The following HEG1 variants were observed in gnomAD, a reference collection of about 807,000 sequenced individuals.
HEG1 encodes heart development protein with EGF like domains 1, also known as protein HEG homolog 1.
Under a neutral mutation model 125.6 loss-of-function variants are expected in HEG1, and 56 were observed. That is an observed-to-expected ratio of 0.45 (90% confidence interval 0.36 to 0.56). The LOEUF is 0.56. Among genes scored for constraint, HEG1 ranks in the 20% least tolerant of loss-of-function variants. The probability of loss-of-function intolerance (pLI) is 0.00; values close to 1 mark genes in which losing one functional copy is unlikely to be tolerated. For synonymous variants in HEG1, 644 were observed against 668.5 expected (o/e 0.96, Z 0.57); for missense variants, 1,523 against 1,670.0 (o/e 0.91, Z 1.53).
chr3:124,966,999 T>A lies in HEG1; in HGVS notation c.*3653A>T, dbSNP rs1936326501. On this transcript the variant is annotated 3_prime_UTR_variant, in exon 17 of 17. Transcript: ENST00000311127. ...GCTGCCTTCTCCCTTGGGCCCACTT[T>A]AAGAGTTACCTCTTTAAGAACTCAA... is the stretch of plus-strand genomic sequence containing the variant. The A allele has an allele frequency of 6.6e-6, 1 of 152,240 alleles. No individual in the cohort carries two copies. The highest frequency in any genetic ancestry group is 2.1e-4 in the South Asian group (1 of 4,824). The allele number at this position is 152,240 out of a possible 1,614,324, so 9.4% of individuals were successfully genotyped here.
At chr3:125,008,684 G>A (rs1372944076) in intron 8 of HEG1, among the ~76,000 whole-genome samples, 3 of 152,180 alleles carry the variant, frequency 2.0e-5, no homozygotes, top group Non-Finnish European at 2.9e-5. Context: ...TGTAATCCCA[G>A]CTATTTGGAG....
intron 3 of HEG1, among the ~76,000 whole-genome samples, chr3:125,024,667 T>G (rs1485889322): frequency 6.6e-6 from 1 of 152,240 alleles, no homozygotes; most frequent in Admixed American, 6.5e-5. Context: ...GCATACAATT[T>G]GGTTTTGGAA....
intron 1 of HEG1, among the ~76,000 whole-genome samples, chr3:125,042,366 T>C (rs1937600090): frequency 6.6e-6 from 1 of 152,070 alleles, no homozygotes; most frequent in Non-Finnish European, 1.5e-5. Flanking sequence ...AGGCGGAGGT[T>C]TCAGTGAGCC....
chr3:124,970,585 G>T lies in HEG1; in HGVS notation c.*67C>A. The T allele has an allele frequency of 7.0e-7, 1 of 1,431,780 alleles. No homozygotes were observed. The highest frequency in any genetic ancestry group is 9.6e-7 in the Non-Finnish European group (1 of 1,046,648). 88.7% of individuals were successfully genotyped at this position (1,431,780 alleles called of 1,614,324 possible). A position where few individuals can be genotyped will look rare whatever the true frequency, so the allele number is the denominator to read the frequency against. On this transcript the variant is annotated 3_prime_UTR_variant, in exon 17 of 17. Transcript: ENST00000311127. ...GACAAATCCTGGGCGCAGCCTCCTGGTGCGGTCCTCTGAGCAGAGGTCCCA... is the reference window on the plus strand; with the variant it reads ...GACAAATCCTGGGCGCAGCCTCCTGTTGCGGTCCTCTGAGCAGAGGTCCCA...
chr3:124,985,016 A>T (rs1414091071), intron 14 of HEG1, among the ~76,000 whole-genome samples: 1 of 152,246 alleles, frequency 6.6e-6, no homozygotes, highest in Non-Finnish European at 1.5e-5. Context: ...CAGTATGTTC[A>T]GTGAGATCCA....
intron 6 of HEG1, among the ~76,000 whole-genome samples, chr3:125,011,971 G>A (rs559763321): frequency 2.6e-4 from 40 of 152,342 alleles, no homozygotes; most frequent in Admixed American, 7.2e-4. Context: ...AACCCTAAGT[G>A]TGATGTAAAG....
chr3:125,036,070 C>A (rs1302773111), intron 1 of HEG1, among the ~76,000 whole-genome samples: 2 of 151,640 alleles, frequency 1.3e-5, no homozygotes, highest in Non-Finnish European at 2.9e-5. Flanking sequence ...ATTAACCAGG[C>A]ATGGTGGCAC....
intron 14 of HEG1, among the ~76,000 whole-genome samples, chr3:124,989,971 A>G (rs1371585259): frequency 6.6e-6 from 1 of 152,054 alleles, no homozygotes; most frequent in Non-Finnish European, 1.5e-5. Context: ...CGATCTTCCT[A>G]TCTTCCAGCC....
At chr3:124,971,151 G>A (rs1301236423) in intron 16 of HEG1, 4 of 474,956 alleles carry the variant, frequency 8.4e-6, no homozygotes, top group East Asian at 6.4e-5. Flanking sequence ...AAGGCTCCCT[G>A]GGAATAAGAG....
chr3:125,040,970 G>A (rs557894689), intron 1 of HEG1, among the ~76,000 whole-genome samples: 1 of 152,284 alleles, frequency 6.6e-6, no homozygotes, highest in East Asian at 1.9e-4. Context: ...AGGCAGGAGG[G>A]TAATTCTTGC....
intron 14 of HEG1, among the ~76,000 whole-genome samples, chr3:124,980,106 C>T (rs899210537): frequency 1.3e-5 from 2 of 152,148 alleles, no homozygotes; most frequent in Non-Finnish European, 2.9e-5. Context: ...AGACAGAAAA[C>T]AAACCTCTTG....
chr3:124,982,318 G>A (rs1262083148), intron 14 of HEG1, among the ~76,000 whole-genome samples: 1 of 152,204 alleles, frequency 6.6e-6, no homozygotes, highest in East Asian at 1.9e-4. Context: ...TTGGGGTTAA[G>A]TACTGATTTT....
At chr3:125,030,695 T>C (rs750067630) in intron 1 of HEG1, among the ~76,000 whole-genome samples, 22 of 152,232 alleles carry the variant, frequency 1.4e-4, no homozygotes, top group East Asian at 5.8e-4. Context: ...CATTCAAGCA[T>C]TGCACAAAGA....
At chr3:124,980,219 G>C (rs1019520126) in intron 14 of HEG1, among the ~76,000 whole-genome samples, 11 of 152,172 alleles carry the variant, frequency 7.2e-5, no homozygotes, top group Non-Finnish European at 5.9e-5. Flanking sequence ...CCTGTGCCCA[G>C]TCTTGTCCAC....
intron 14 of HEG1, among the ~76,000 whole-genome samples, chr3:124,987,616 C>G (rs1298378763): frequency 7.4e-6 from 1 of 134,458 alleles, no homozygotes; most frequent in Admixed American, 7.6e-5. Context: ...TCCGCCCCCC[C>G]AGGTTCACGC....
At chr3:125,005,226 AC>A (rs1426954112) in intron 9 of HEG1, 38 bp downstream of exon 9, 1 of 1,239,266 alleles carries the variant, frequency 8.1e-7, no homozygotes, top group Non-Finnish European at 1.2e-6. Context: ...GTTCTAGGAA[AC>A]AAAAGACGAG....
At chr3:125,048,752 G>A (rs151097171) in intron 1 of HEG1, among the ~76,000 whole-genome samples, 1 of 152,244 alleles carries the variant, frequency 6.6e-6, no homozygotes, top group African/African-American at 2.4e-5. Context: ...TGGCTTCTGT[G>A]AGTACAGATT....
At chr3:124,986,411 T>C (rs6786947) in intron 14 of HEG1, among the ~76,000 whole-genome samples, 1 of 151,866 alleles carries the variant, frequency 6.6e-6, no homozygotes, top group Non-Finnish European at 1.5e-5. Context: ...GCACAAAACG[T>C]TGAGTGATGA....
intron 1 of HEG1, among the ~76,000 whole-genome samples, chr3:125,036,163 T>C (rs1349707100): frequency 7.7e-6 from 1 of 130,298 alleles, no homozygotes; most frequent in Non-Finnish European, 1.5e-5. Flanking sequence ...TGAGCTATGA[T>C]GGTGCCACTG....
Sources: allele counts gnomAD v4.1 joint callset (sites outside exome capture counted in the v4.1 genomes callset), GRCh38; gene constraint gnomAD v4.1.1; transcripts MANE v1.5; gene names NCBI Gene and HGNC (gene_info 2026-07-23, HGNC 2026-07-21).